CFAP44: variants seen among roughly 807,000 people sequenced by gnomAD.
CFAP44 encodes the protein cilia- and flagella-associated protein 44.
In CFAP44, 134 loss-of-function variants were observed where a neutral mutation model predicts 216.2. The ratio of observed to expected loss-of-function variants is 0.62; its 90% CI spans 0.54 to 0.72. CFAP44 has a LOEUF of 0.72. CFAP44 is among the 30% of genes least tolerant of loss of function. CFAP44 has a pLI of 0.00. For missense variants in CFAP44, 2,035 were observed against 2,182.1 expected (o/e 0.93, Z 1.34); for synonymous variants, 700 against 727.6 (o/e 0.96, Z 0.61).
At chr3:113,366,399 C>T (rs1932937896) in intron 18 of CFAP44, 90 bp from the exon 19 acceptor site, 9 of 1,470,554 alleles carry the variant, frequency 6.1e-6, no homozygotes, top group Non-Finnish European at 7.3e-6. Flanking sequence ...AAATTAATAA[C>T]AAAGTTGTTA....
rs1934206939 is a variant in CFAP44 at position 113,403,898 on chromosome 3, A to G, written c.1124T>C (p.Leu375Pro). 1 of 1,613,992 alleles carries G rather than the reference A, an allele frequency of 6.2e-7. No individual in the cohort carries two copies. The highest frequency in any genetic ancestry group is 8.5e-7 in the Non-Finnish European group (1 of 1,179,990). Residue 375 changes from leucine to proline, a missense_variant, in exon 9 of 35, where the codon CTG becomes CCG. By Grantham distance (98) the Leu-to-Pro change is moderately conservative (BLOSUM62 -3). Transcript: ENST00000393845. ...AACAGTGATAACTTCACCCTCATACAGCATTATCTGGTTAATGGGACCATT... is the reference window on the plus strand; with the variant it reads ...AACAGTGATAACTTCACCCTCATACGGCATTATCTGGTTAATGGGACCATT... The part of the protein sequence containing the change: ...CHNGPINQIM[L>P]YEGEVITVGS...
intron 15 of CFAP44, 126 bp downstream of exon 15, chr3:113,395,624 A>G (rs1933968136): frequency 1.4e-6 from 1 of 725,170 alleles, no homozygotes. Context: ...CTGTTGCCGC[A>G]TCCCTGACCC....
intron 21 of CFAP44, chr3:113,360,442 T>C: frequency 4.3e-6 from 1 of 234,258 alleles, no homozygotes; most frequent in Non-Finnish European, 9.6e-6. Context: ...CTTCACTGCA[T>C]GAATAGTGAA....
chr3:113,369,489 A>G (rs541472175), intron 18 of CFAP44, among the ~76,000 whole-genome samples: 23 of 152,362 alleles, frequency 1.5e-4, no homozygotes, highest in African/African-American at 5.5e-4. Flanking sequence ...CTGGGTAAAT[A>G]ACAAAATGAA....
intron 22 of CFAP44, among the ~76,000 whole-genome samples, chr3:113,349,248 A>G (rs1950418526): frequency 6.6e-6 from 1 of 152,036 alleles, no homozygotes; most frequent in Non-Finnish European, 1.5e-5. Context: ...CTGTCAGCCG[A>G]CTCCCTCGAG....
At chr3:113,370,737 A>G (rs1269545538) in intron 18 of CFAP44, among the ~76,000 whole-genome samples, 1 of 152,234 alleles carries the variant, frequency 6.6e-6, no homozygotes, top group African/African-American at 2.4e-5. Flanking sequence ...CAGGGCAAAC[A>G]GGCAAGAGAA....
chr3:113,354,482 G>C (rs1464655008), intron 22 of CFAP44, among the ~76,000 whole-genome samples: 1 of 152,210 alleles, frequency 6.6e-6, no homozygotes, highest in Non-Finnish European at 1.5e-5. Flanking sequence ...CTTTAGGACT[G>C]TGGGTTGCAT....
At chr3:113,411,810 T>A (rs540379500) in intron 6 of CFAP44, among the ~76,000 whole-genome samples, 2 of 152,234 alleles carry the variant, frequency 1.3e-5, no homozygotes, top group African/African-American at 2.4e-5. Context: ...TGTCCTCTTT[T>A]AATTCATTGA....
At chr3:113,432,903 G>C (rs1413739744) in intron 2 of CFAP44, among the ~76,000 whole-genome samples, 1 of 152,076 alleles carries the variant, frequency 6.6e-6, no homozygotes, top group Non-Finnish European at 1.5e-5. Context: ...GCATCTATCA[G>C]ATAATCTATT....
chr3:113,364,379 T>C (rs1950569168), intron 19 of CFAP44, among the ~76,000 whole-genome samples: 1 of 152,162 alleles, frequency 6.6e-6, no homozygotes, highest in African/African-American at 2.4e-5. Context: ...TATTAGTCTT[T>C]ATATGTATGA....
chr3:113,417,376 T>C (rs755429010), intron 5 of CFAP44: 1 of 152,232 alleles, frequency 6.6e-6, no homozygotes, highest in Non-Finnish European at 1.5e-5. Flanking sequence ...TTTTCAAAGA[T>C]AGCCATATAA....
intron 6 of CFAP44, among the ~76,000 whole-genome samples, chr3:113,414,150 GCT>G (rs1183391274): frequency 2.0e-5 from 3 of 152,034 alleles, no homozygotes; most frequent in African/African-American, 7.2e-5. Context: ...TCATGATTTG[GCT>G]CTCTGCTTGT....
intron 13 of CFAP44, 147 bp from the exon 14 acceptor site, chr3:113,396,874 A>T (rs1320578329): frequency 1.3e-6 from 1 of 756,476 alleles, no homozygotes; most frequent in African/African-American, 1.8e-5. Flanking sequence ...ACCTCTATCC[A>T]TTCCAGCATA....
chr3:113,307,796 T>TGAAACCCC (rs749770965), intron 29 of CFAP44, among the ~76,000 whole-genome samples: 29 of 152,240 alleles, frequency 1.9e-4, no homozygotes, highest in African/African-American at 6.3e-4. Flanking sequence ...GGTGAAACCC[T>TGAAACCCC]GAAACCCCGT....
intron 24 of CFAP44, among the ~76,000 whole-genome samples, chr3:113,334,632 CTAGATATATTTA>C (rs1950266838): frequency 6.6e-6 from 1 of 151,832 alleles, no homozygotes; most frequent in South Asian, 2.1e-4. Flanking sequence ...GAATGGAATG[CTAGATATATTTA>C]GCAAAATTAA....
In CFAP44 at chr3:113,409,235, A is replaced by G; in HGVS notation, c.761T>C (p.Leu254Pro). The G allele has an allele frequency of 6.2e-7, 1 of 1,614,192 alleles. No individual in the cohort carries two copies. Among genetic ancestry groups the G allele is most frequent in the Non-Finnish European group, 8.5e-7 (1 of 1,180,040 alleles). Residue 254 changes from leucine to proline, a missense_variant, in exon 7 of 35, where the codon CTG (leucine) becomes CCG (proline). Transcript: ENST00000393845. ...ASVGSNPDYT[L>P]TIWNWKEEQP... Reference sequence around the variant, plus strand: ...TTCTTCTTTCCAGTTCCAGATAGTCAGTGTGTAGTCAGGGTTACTACCAAC... The same window carrying G: ...TTCTTCTTTCCAGTTCCAGATAGTCGGTGTGTAGTCAGGGTTACTACCAAC...
chr3:113,369,791 T>C (rs915998346), intron 18 of CFAP44, among the ~76,000 whole-genome samples: 1 of 152,132 alleles, frequency 6.6e-6, no homozygotes, highest in Non-Finnish European at 1.5e-5. Flanking sequence ...ATCCAGGAGC[T>C]GGTTTTCTGA....
At chr3:113,298,590 G>T (rs1008616707) in intron 32 of CFAP44, among the ~76,000 whole-genome samples, 2 of 152,310 alleles carry the variant, frequency 1.3e-5, no homozygotes, top group South Asian at 2.1e-4. Context: ...CAATCCAGCT[G>T]CCCATTGACA....
intron 6 of CFAP44, among the ~76,000 whole-genome samples, chr3:113,412,788 G>A (rs1488746011): frequency 1.3e-5 from 2 of 152,148 alleles, no homozygotes; most frequent in Non-Finnish European, 1.5e-5. Flanking sequence ...GGGCACTTGG[G>A]TTGGTTCCAC....
Sources: allele counts gnomAD v4.1 joint callset (sites outside exome capture counted in the v4.1 genomes callset), GRCh38; gene constraint gnomAD v4.1.1; transcripts MANE v1.5; gene names NCBI Gene and HGNC (gene_info 2026-07-23, HGNC 2026-07-21).